Variants in PPFIA4 observed in about 807,000 individuals in gnomAD.
The protein encoded by PPFIA4 is liprin-alpha-4.
In PPFIA4, 98 loss-of-function variants were observed where a neutral mutation model predicts 145.7. That is an observed-to-expected ratio of 0.67 (90% CI 0.57 to 0.80). The LOEUF is 0.80. Among genes scored for constraint, PPFIA4 ranks in the 30% least tolerant of loss-of-function variants. PPFIA4 has a pLI of 0.00. For synonymous variants in PPFIA4, 628 were observed against 649.6 expected (o/e 0.97, Z 0.51); for missense variants, 1,457 against 1,632.7 (o/e 0.89, Z 1.85).
chr1:203,036,834 C>T lies in PPFIA4; in HGVS notation c.-399-1776C>T, dbSNP rs185285104. 2.8e-3 allele frequency among the ~76,000 whole-genome samples: 434 copies of T among 152,356 alleles called. 2 individuals carry two copies. The highest frequency in any genetic ancestry group is 0.01 in the African/African-American group (422 of 41,580). On this transcript the variant is annotated intron_variant, in intron 1 of 29. Transcript: ENST00000295706. ...CAGCAGTGTTGGGGAAAGGAGGAGG[C>T]AGACCAAGCTTCTACTTTTTACTTC...
intron 1 of PPFIA4, chr1:203,034,560 G>A (rs1420326472): frequency 2.2e-6 from 1 of 456,388 alleles, no homozygotes; most frequent in Non-Finnish European, 4.4e-6. Flanking sequence ...GGGGCAGTGG[G>A]GGGAACTCAG....
intron 24 of PPFIA4, 23 bp from the exon 25 acceptor site, chr1:203,063,805 C>G (rs763670309): frequency 6.2e-7 from 1 of 1,613,250 alleles, no homozygotes; most frequent in Non-Finnish European, 8.5e-7. Context: ...CCCATAATAG[C>G]CTCCTGCATC....
Position 203,075,877 on chromosome 1 carries a change from C to A in PPFIA4, c.3574+120C>A. ...CCGAGGCTGGTGCCCCGCGCTCCTG[C>A]GCTGCAGCTGCACTAACGCTCCGCG... is the stretch of plus-strand genomic sequence containing the variant. On this transcript the variant is annotated intron_variant, in intron 29 of 29. Transcript: ENST00000295706. This position sits in a 1 kb window ranked among gnomAD's most constrained non-coding sequence, Gnocchi z 4.1. 1.9e-6 allele frequency: 2 copies of A among 1,034,942 alleles called. No individual in the cohort carries two copies. Among genetic ancestry groups the A allele is most frequent in the Admixed American group, 3.9e-5 (1 of 25,426 alleles). The allele number at this position is 1,034,942 out of a possible 1,614,324, so 64.1% of individuals were successfully genotyped here. A position where few individuals can be genotyped will look rare whatever the true frequency, so the allele number is the denominator to read the frequency against.
chr1:203,026,881 T>C (rs1269191094), intron 1 of PPFIA4, among the ~76,000 whole-genome samples: 1 of 152,112 alleles, frequency 6.6e-6, no homozygotes, highest in Non-Finnish European at 1.5e-5. Context: ...GAGTGCGCCC[T>C]CTGCTCCATC....
chr1:203,056,301 C>T, intron 17 of PPFIA4, 74 bp from the exon 18 acceptor site: 3 of 1,598,682 alleles, frequency 1.9e-6, no homozygotes, highest in Non-Finnish European at 2.6e-6. Context: ...CCATGCTCCG[C>T]CACCTCTTCT....
In PPFIA4 at chr1:203,045,898, C is replaced by T. The variant is rs1372489867; in HGVS notation, c.916C>T (p.Leu306=). 2 of 1,612,760 alleles carry T rather than the reference C, an allele frequency of 1.2e-6. No individual in the cohort carries two copies. The highest frequency in any genetic ancestry group is 1.7e-6 in the Non-Finnish European group (2 of 1,179,888). ...GATTACTACACTGGAGAAGCGCTAC[C>T]TGGCTGCTCAGCGTGAGGCAACATC... The part of the protein sequence containing the change: ...ERITTLEKRY[L]AAQREATSIH... Residue 306 remains leucine (L), a synonymous_variant, in exon 8 of 30, where the codon CTG becomes TTG. Transcript: ENST00000295706.
At chr1:203,053,194 T>A (rs1660656580) in intron 14 of PPFIA4, among the ~76,000 whole-genome samples, 1 of 152,200 alleles carries the variant, frequency 6.6e-6, no homozygotes, top group African/African-American at 2.4e-5. Flanking sequence ...ATTCTCTTCT[T>A]AACAGTTAGA....
intron 28 of PPFIA4, among the ~76,000 whole-genome samples, chr1:203,073,187 T>C (rs1662288920): frequency 6.6e-6 from 1 of 152,148 alleles, no homozygotes; most frequent in Non-Finnish European, 1.5e-5. Flanking sequence ...CCACATGAGA[T>C]AGGTTATGAT....
At chr1:203,051,596 C>T (rs1321231424) in intron 13 of PPFIA4, 173 bp from the exon 14 acceptor site, 27 of 1,260,520 alleles carry the variant, frequency 2.1e-5, no homozygotes, top group African/African-American at 9.1e-5. Flanking sequence ...CCAGGGCATA[C>T]GTCTGCTCTC....
rs765216243 is a variant in PPFIA4 at position 203,067,676 on chromosome 1, G to A, written c.3051-19G>A. 1.2e-6 allele frequency: 2 copies of A among 1,610,430 alleles called. No individual in the cohort carries two copies. Among genetic ancestry groups the A allele is most frequent in the East Asian group, 4.5e-5 (2 of 44,852 alleles). ...TGTGGCCCCACTGAGGCTCTGGCTT[G>A]GGGGCTGTGTGCCTGCAGAACCAGT... On this transcript the variant is annotated intron_variant, in intron 25 of 29. Coordinates refer to ENST00000295706, the MANE Select transcript of PPFIA4 (RefSeq NM_001304331.2).
chr1:203,040,527 G>T (rs1202067546), intron 2 of PPFIA4, among the ~76,000 whole-genome samples: 1 of 152,204 alleles, frequency 6.6e-6, no homozygotes, highest in Non-Finnish European at 1.5e-5. Flanking sequence ...TGTGCACGAG[G>T]CTCTGAAGTT....
chr1:203,037,156 TC>T (rs1558065309), intron 1 of PPFIA4: 3 of 359,632 alleles, frequency 8.3e-6, no homozygotes, highest in Non-Finnish European at 1.7e-5. Context: ...CCTCTTCCTT[TC>T]CCCTGTTTCT....
chr1:203,044,321 C>A, intron 4 of PPFIA4, 58 bp from the exon 5 acceptor site: 1 of 1,490,368 alleles, frequency 6.7e-7, no homozygotes, highest in Non-Finnish European at 9.1e-7. Flanking sequence ...CCAGTCTCTT[C>A]CAGCCTGACT....
chr1:203,036,355 G>T (rs1210069039), intron 1 of PPFIA4, among the ~76,000 whole-genome samples: 2 of 152,214 alleles, frequency 1.3e-5, no homozygotes, highest in Non-Finnish European at 2.9e-5. Context: ...AGTCTCCTGA[G>T]TCCCTGCTCT....
At position 203,045,435 on chromosome 1, in the gene PPFIA4, C is replaced by T. The variant is rs781573504; in HGVS notation, c.734C>T (p.Ala245Val). ...AAGCAGAACTTTGAGTTGAGCCAGG[C>T]CCGGGAGCGACTGGTCACCCTAACA... ...LEKQNFELSQ[A>V]RERLVTLTTT... is the part of the protein sequence containing the mutation. The change falls in exon 7 of 30, where the codon GCC (alanine) becomes GTC (valine). Residue 245 changes from alanine (A) to valine (V), a missense_variant. Physicochemically the swap from Ala to Val is moderately conservative, Grantham distance 64. Coordinates refer to ENST00000295706, the MANE Select transcript of PPFIA4 (RefSeq NM_001304331.2). 18 of 1,609,590 alleles carry T rather than the reference C, an allele frequency of 1.1e-5. No homozygotes were observed. The highest frequency in any genetic ancestry group is 1.5e-5 in the Non-Finnish European group (18 of 1,178,622).
chr1:203,042,634 A>G (rs1659777834), intron 2 of PPFIA4, among the ~76,000 whole-genome samples: 1 of 151,732 alleles, frequency 6.6e-6, no homozygotes, highest in African/African-American at 2.4e-5. Flanking sequence ...TGTTTCTTTT[A>G]TTTATTTATT....
chr1:203,043,834 A>G lies in PPFIA4; in HGVS notation c.337-97A>G. 1 of 1,259,688 alleles carries G rather than the reference A, an allele frequency of 7.9e-7. No homozygotes were observed. The highest frequency in any genetic ancestry group is 1.1e-6 in the Non-Finnish European group (1 of 919,944). The allele number at this position is 1,259,688 out of a possible 1,614,324, so 78.0% of individuals were successfully genotyped here. ...GTGTTTTCACAGTGGGGTGGCTGTA[A>G]CTCATGTCTGCTCGGGGATCACATG... On this transcript the variant is annotated intron_variant, in intron 3 of 29. Transcript: ENST00000295706. This position sits in a 1 kb window ranked among gnomAD's most constrained non-coding sequence, Gnocchi z 4.4.
rs1403632801 is a variant in PPFIA4 at position 203,061,682 on chromosome 1, A to G, written c.2874+4A>G. ...TGAGGAGGGCAGCTGGGCTCAGGTAAGACTCCCTACCCTGTCTAGAACCAG... is the reference window on the plus strand; with the variant it reads ...TGAGGAGGGCAGCTGGGCTCAGGTAGGACTCCCTACCCTGTCTAGAACCAG... On this transcript the variant is annotated splice_donor_region_variant and intron_variant, in intron 24 of 29. Transcript: ENST00000295706. 1.9e-6 allele frequency: 3 copies of G among 1,565,706 alleles called. No individual in the cohort carries two copies. Among genetic ancestry groups the G allele is most frequent in the Admixed American group, 3.7e-5 (2 of 53,424 alleles).
At position 203,059,852 on chromosome 1, in the gene PPFIA4, G is replaced by A. The variant is rs759600425; in HGVS notation, c.2583+1G>A. 6.2e-7 allele frequency: 1 copy of A among 1,608,756 alleles called. No individual in the cohort carries two copies. The highest frequency in any genetic ancestry group is 8.5e-7 in the Non-Finnish European group (1 of 1,177,146). On this transcript the variant is annotated splice_donor_variant, in intron 21 of 29. Transcript: ENST00000295706. LOFTEE classifies it high-confidence loss of function. ...TCCTACTGTGGTCTCCTGGTTGGAG[G>A]TAAGCCTGAGCAAAGGGAGTCCACT...
Sources: gnomAD v4.1 joint callset for allele counts (sites outside exome capture counted in the v4.1 genomes callset) on GRCh38, gnomAD v4.1.1 for gene constraint, Gnocchi (gnomAD v3.1) non-coding constraint, MANE v1.5 for transcripts, NCBI Gene and HGNC (gene_info 2026-07-23, HGNC 2026-07-21) for gene names.